Variants in ULK4 observed in about 807,000 individuals in gnomAD.
ULK4 encodes unc-51 like kinase 4.
Under a neutral mutation model 160.6 loss-of-function variants are expected in ULK4, and 133 were observed. The ratio of observed to expected loss-of-function variants is 0.83; its 90% CI spans 0.72 to 0.96. ULK4 has a LOEUF of 0.96. Ranked by LOEUF, ULK4 falls within the 40% of genes least tolerant of loss-of-function variation. ULK4 has a pLI of 0.00. For synonymous variants in ULK4, 534 were observed against 539.8 expected (o/e 0.99, Z 0.15); for missense variants, 1,580 against 1,499.5 (o/e 1.05, Z -0.89).
chr3:41,284,426 C>T (rs1331554737), intron 35 of ULK4, among the ~76,000 whole-genome samples: 1 of 151,856 alleles, frequency 6.6e-6, no homozygotes, highest in African/African-American at 2.4e-5. Context: ...AATAGAAAAC[C>T]CAGAAAAAAA....
chr3:41,514,004 C>T (rs966750708), intron 32 of ULK4, among the ~76,000 whole-genome samples: 5 of 151,952 alleles, frequency 3.3e-5, no homozygotes, highest in Admixed American at 6.6e-5. Flanking sequence ...AAAAGAATGC[C>T]CTTTTCATAA....
chr3:41,726,393 CAA>C (rs1304476257), intron 22 of ULK4, among the ~76,000 whole-genome samples: 2 of 152,224 alleles, frequency 1.3e-5, no homozygotes, highest in Middle Eastern at 3.4e-3. Flanking sequence ...ACTTTACTGA[CAA>C]GAGAACATTA....
chr3:41,374,555 G>C (rs938476156), intron 35 of ULK4, among the ~76,000 whole-genome samples: 1 of 152,170 alleles, frequency 6.6e-6, no homozygotes, highest in African/African-American at 2.4e-5. Flanking sequence ...TATCTCAATA[G>C]ATGCAGAAAA....
chr3:41,648,908 C>G (rs1035477978), intron 30 of ULK4, among the ~76,000 whole-genome samples: 1 of 152,098 alleles, frequency 6.6e-6, no homozygotes, highest in Non-Finnish European at 1.5e-5. Flanking sequence ...CCAAGGCGGG[C>G]AGATCGTTTG....
intron 32 of ULK4, among the ~76,000 whole-genome samples, chr3:41,539,284 T>C (rs1018385087): frequency 2.6e-5 from 4 of 152,130 alleles, no homozygotes; most frequent in Non-Finnish European, 4.4e-5. Context: ...AATACACAAA[T>C]GAATGGACAT....
At chr3:41,647,223 C>T (rs887368629) in intron 30 of ULK4, among the ~76,000 whole-genome samples, 1 of 152,004 alleles carries the variant, frequency 6.6e-6, no homozygotes, top group African/African-American at 2.4e-5. Context: ...CAGCTTTGTT[C>T]CGTTGCTGGT....
At chr3:41,378,664 A>G (rs2081573630) in intron 35 of ULK4, among the ~76,000 whole-genome samples, 2 of 151,752 alleles carry the variant, frequency 1.3e-5, no homozygotes, top group East Asian at 2.0e-4. Context: ...ATAGCAGTAA[A>G]AGATATACCT....
In ULK4 at chr3:41,501,432, C is replaced by T. The variant is rs188299624; in HGVS notation, c.3227-38179G>A. On this transcript the variant is annotated intron_variant, in intron 32 of 36. Coordinates refer to ENST00000301831, the MANE Select transcript of ULK4 (RefSeq NM_017886.4). The stretch of plus-strand genomic sequence containing the variant: ...AGAATGGCGTGAACCCAGGAGGCGG[C>T]GCTTGCAGTGAGCCGAGATTGCGCC... Among the ~76,000 whole-genome samples the T allele has an allele frequency of 2.6e-5, 4 of 152,078 alleles. No individual in the cohort carries two copies. In the East Asian group the frequency reaches 5.8e-4, roughly 22 times the overall value.
intron 35 of ULK4, among the ~76,000 whole-genome samples, chr3:41,380,198 A>G (rs576890529): frequency 1.3e-5 from 2 of 152,312 alleles, no homozygotes; most frequent in East Asian, 3.9e-4. Flanking sequence ...TGAAGACAAG[A>G]CAATTCAAAA....
intron 12 of ULK4, among the ~76,000 whole-genome samples, chr3:41,906,417 T>C (rs1489011730): frequency 6.6e-6 from 1 of 151,970 alleles, no homozygotes; most frequent in Non-Finnish European, 1.5e-5. Context: ...TAGTTCCAGG[T>C]ACTTGGCAGA....
intron 20 of ULK4, among the ~76,000 whole-genome samples, chr3:41,794,685 A>AAAAAAAAAAAAAC (rs1553654846): frequency 1.2e-4 from 16 of 129,086 alleles, no homozygotes; most frequent in Non-Finnish European, 1.8e-4. Context: ...AAAAAAAAAA[A>AAAAAAAAAAAAAC]ACACAGAAAA....
intron 35 of ULK4, among the ~76,000 whole-genome samples, chr3:41,280,335 C>A (rs1031152274): frequency 6.6e-6 from 1 of 152,208 alleles, no homozygotes; most frequent in Non-Finnish European, 1.5e-5. Context: ...GAACTCTCCA[C>A]CTCAAATAAA....
intron 35 of ULK4, among the ~76,000 whole-genome samples, chr3:41,382,763 C>G (rs949670453): frequency 2.6e-5 from 4 of 152,112 alleles, no homozygotes; most frequent in African/African-American, 7.2e-5. Flanking sequence ...ATCAACTGAA[C>G]TATACTCTTT....
chr3:41,590,278 A>G (rs1456999712), intron 31 of ULK4, among the ~76,000 whole-genome samples: 1 of 151,432 alleles, frequency 6.6e-6, no homozygotes, highest in Admixed American at 6.6e-5. Context: ...CTGGGATTAC[A>G]GGCATGAGCC....
intron 32 of ULK4, among the ~76,000 whole-genome samples, chr3:41,484,583 G>T (rs2084446678): frequency 6.6e-6 from 1 of 151,956 alleles, no homozygotes; most frequent in Non-Finnish European, 1.5e-5. Flanking sequence ...CTCCGGAGTA[G>T]CTGGGACTAC....
At position 41,896,823 on chromosome 3, in the gene ULK4, A is replaced by AG. The variant is rs759418994; in HGVS notation, c.1528dup (p.Leu510ProfsTer34). 100 of 1,611,412 alleles carry AG rather than the reference A, an allele frequency of 6.2e-5. No individual in the cohort carries two copies. Among genetic ancestry groups the AG allele is most frequent in the South Asian group, 5.3e-4 (48 of 90,900 alleles). ...ATAAGGCATGTCACACAGGCTTACC[A>AG]GGGGGGAATGGAGGAGCCTGGTGGC... On this transcript the variant is annotated frameshift_variant and splice_region_variant, in exon 15 of 37. Coordinates refer to ENST00000301831, the MANE Select transcript of ULK4 (RefSeq NM_017886.4). LOFTEE classifies it high-confidence loss of function.
chr3:41,253,322 T>G (rs2078773522), intron 35 of ULK4, among the ~76,000 whole-genome samples: 1 of 150,672 alleles, frequency 6.6e-6, no homozygotes, highest in African/African-American at 2.4e-5. Flanking sequence ...ATTGATGGGG[T>G]TTTCAACATA....
At chr3:41,676,911 T>C (rs2035740126) in intron 29 of ULK4, among the ~76,000 whole-genome samples, 1 of 137,916 alleles carries the variant, frequency 7.3e-6, no homozygotes, top group Non-Finnish European at 1.6e-5. Context: ...CCCCAACCTT[T>C]TTTTTTTTTT....
chr3:41,820,583 C>G (rs1172369856), intron 18 of ULK4, among the ~76,000 whole-genome samples: 1 of 151,988 alleles, frequency 6.6e-6, no homozygotes, highest in Non-Finnish European at 1.5e-5. Flanking sequence ...CATGAATACA[C>G]ACAGACAGAA....
Sources: allele counts gnomAD v4.1 joint callset (sites outside exome capture counted in the v4.1 genomes callset), GRCh38; gene constraint gnomAD v4.1.1; transcripts MANE v1.5; gene names NCBI Gene and HGNC (gene_info 2026-07-23, HGNC 2026-07-21).